Variants in METTL15 observed in about 807,000 individuals in gnomAD.
The protein encoded by METTL15 is 12S rRNA N(4)-cytidine methyltransferase METTL15.
Under a neutral mutation model 38.3 loss-of-function variants are expected in METTL15, and 34 were observed. The ratio of observed to expected loss-of-function variants is 0.89; its 90% CI spans 0.68 to 1.18. METTL15 has a LOEUF of 1.18. METTL15 is among the 50% of genes most tolerant of loss of function. The pLI is 0.00. For synonymous variants in METTL15, 162 were observed against 170.9 expected (o/e 0.95, Z 0.41); for missense variants, 438 against 498.4 (o/e 0.88, Z 1.15).
At chr11:28,511,514 C>G (rs530303789) in intron 6 of METTL15, among the ~76,000 whole-genome samples, 3 of 152,182 alleles carry the variant, frequency 2.0e-5, no homozygotes, top group East Asian at 3.9e-4. Context: ...GTGGCGTGTC[C>G]GGAGTTTGTT....
At chr11:28,451,003 G>T (rs1305551007) in intron 6 of METTL15, among the ~76,000 whole-genome samples, 1 of 152,154 alleles carries the variant, frequency 6.6e-6, no homozygotes, top group East Asian at 1.9e-4. Context: ...AGTAAATGAT[G>T]GGCTTGGGAT....
chr11:28,319,385 A>G (rs575842543), intron 6 of METTL15, among the ~76,000 whole-genome samples: 1 of 152,228 alleles, frequency 6.6e-6, no homozygotes, highest in South Asian at 2.1e-4. Flanking sequence ...AGCACCCAGA[A>G]ACGGAAAGAA....
intron 4 of METTL15, among the ~76,000 whole-genome samples, chr11:28,359,860 A>G (rs1300933768): frequency 6.6e-6 from 1 of 152,210 alleles, no homozygotes; most frequent in Non-Finnish European, 1.5e-5. Context: ...AGTTGTTTAT[A>G]TAGATATTAA....
chr11:28,169,671 A>C (rs1480717233), intron 3 of METTL15, among the ~76,000 whole-genome samples: 1 of 152,138 alleles, frequency 6.6e-6, no homozygotes, highest in African/African-American at 2.4e-5. Context: ...TTCTTGAGCT[A>C]TTTACCAGAG....
intron 3 of METTL15, among the ~76,000 whole-genome samples, chr11:28,210,329 CA>C (rs1363483415): frequency 6.6e-6 from 1 of 151,882 alleles, no homozygotes; most frequent in Non-Finnish European, 1.5e-5. Context: ...GTTACCTTAA[CA>C]ATTAGGCAGG....
chr11:28,257,691 C>T (rs929761316), intron 4 of METTL15, among the ~76,000 whole-genome samples: 2 of 152,114 alleles, frequency 1.3e-5, no homozygotes, highest in Non-Finnish European at 2.9e-5. Context: ...ATGCATTCTT[C>T]AGTATGCCAA....
intron 5 of METTL15, among the ~76,000 whole-genome samples, chr11:28,395,771 A>C (rs1850561366): frequency 6.6e-6 from 1 of 152,142 alleles, no homozygotes; most frequent in Non-Finnish European, 1.5e-5. Context: ...CCTGATACCA[A>C]AGCCGGGCAG....
chr11:28,171,343 T>A (rs1850850561), intron 3 of METTL15, among the ~76,000 whole-genome samples: 1 of 152,170 alleles, frequency 6.6e-6, no homozygotes, highest in Admixed American at 6.6e-5. Context: ...GCCTGGCTTT[T>A]TAAAGCCTTT....
chr11:28,230,562 A>AT (rs1491502407), intron 4 of METTL15, among the ~76,000 whole-genome samples: 2 of 151,948 alleles, frequency 1.3e-5, no homozygotes, highest in Non-Finnish European at 2.9e-5. Flanking sequence ...ATTTAGAGAC[A>AT]TATTTTATTA....
rs577147058 is a variant in METTL15 at position 28,385,338 on chromosome 11, C to T, written c.*358+23302C>T. On this transcript the variant is annotated intron_variant and NMD_transcript_variant, in intron 5 of 7. Transcript: ENST00000532947. Reference sequence around the variant, plus strand: ...TTTTGTATATGGTGTAAGAAGGGATCCAGTTTCAACCTTCTGCATATGGCT... The same window carrying T: ...TTTTGTATATGGTGTAAGAAGGGATTCAGTTTCAACCTTCTGCATATGGCT... Among the ~76,000 whole-genome samples, 12 of 152,172 alleles carry T rather than the reference C, an allele frequency of 7.9e-5. No individual in the cohort carries two copies. The South Asian group carries it at 1.2e-3, about 16-fold the overall frequency.
intron 5 of METTL15, among the ~76,000 whole-genome samples, chr11:28,421,538 T>C (rs889038297): frequency 6.6e-6 from 1 of 152,192 alleles, no homozygotes; most frequent in East Asian, 1.9e-4. Context: ...ATCCCAGAGA[T>C]GCAAAAATCA....
At chr11:28,316,407 G>C (rs1001980122) in intron 6 of METTL15, among the ~76,000 whole-genome samples, 1 of 152,120 alleles carries the variant, frequency 6.6e-6, no homozygotes, top group African/African-American at 2.4e-5. Context: ...TTTACCTATT[G>C]CCTATACTCC....
intron 5 of METTL15, among the ~76,000 whole-genome samples, chr11:28,380,238 G>A (rs932239663): frequency 3.3e-5 from 5 of 149,860 alleles, no homozygotes; most frequent in South Asian, 4.2e-4. Context: ...CACAATCTCG[G>A]CTCACTGCAA....
chr11:28,304,640 C>T (rs1308611151), intron 6 of METTL15, among the ~76,000 whole-genome samples: 1 of 151,988 alleles, frequency 6.6e-6, no homozygotes. Context: ...CACTTGAACC[C>T]GGGAGCTGGA....
chr11:28,452,138 T>A (rs1851128341), intron 6 of METTL15, among the ~76,000 whole-genome samples: 1 of 152,122 alleles, frequency 6.6e-6, no homozygotes, highest in Admixed American at 6.5e-5. Context: ...GTGTCCAAAG[T>A]CAAGAGGAGA....
intron 3 of METTL15, among the ~76,000 whole-genome samples, chr11:28,340,015 A>T (rs1275979054): frequency 6.6e-6 from 1 of 152,188 alleles, no homozygotes; most frequent in Non-Finnish European, 1.5e-5. Context: ...TTATGGTTAC[A>T]AAGCAAAATA....
At chr11:28,494,369 T>A (rs961841546) in intron 6 of METTL15, among the ~76,000 whole-genome samples, 2 of 152,170 alleles carry the variant, frequency 1.3e-5, no homozygotes, top group Admixed American at 1.3e-4. Context: ...CACTGGACAA[T>A]ATACTTTTCA....
intron 3 of METTL15, among the ~76,000 whole-genome samples, chr11:28,119,958 T>A (rs1451162007): frequency 6.6e-6 from 1 of 152,172 alleles, no homozygotes; most frequent in Non-Finnish European, 1.5e-5. Context: ...GATATCTTTT[T>A]AAATTTTTTT....
chr11:28,479,144 G>A (rs1262959373), intron 6 of METTL15, among the ~76,000 whole-genome samples: 4 of 151,754 alleles, frequency 2.6e-5, no homozygotes, highest in African/African-American at 7.3e-5. Context: ...GTTGAACTAA[G>A]AATAAAGGAA....
Sources: gnomAD v4.1 joint callset for allele counts (sites outside exome capture counted in the v4.1 genomes callset) on GRCh38, gnomAD v4.1.1 for gene constraint, MANE v1.5 for transcripts, NCBI Gene and HGNC (gene_info 2026-07-23, HGNC 2026-07-21) for gene names.